Variants in RHBDD1 observed in about 807,000 individuals in gnomAD.
The protein encoded by RHBDD1 is rhomboid domain containing 1.
In RHBDD1, 38 loss-of-function variants were observed where a neutral mutation model predicts 36.3. The ratio of observed to expected loss-of-function variants is 1.05; its 90% CI spans 0.81 to 1.37. RHBDD1 has a LOEUF of 1.37. Among genes scored for constraint, RHBDD1 ranks in the 40% most tolerant of loss-of-function variants. RHBDD1 has a pLI of 0.00. For missense variants in RHBDD1, 393 were observed against 377.6 expected, an observed-to-expected ratio of 1.04 and a Z score of -0.34; for synonymous variants, 151 against 136.5, an observed-to-expected ratio of 1.11 and a Z score of -0.74.
chr2:226,969,394 C>CTTT lies in RHBDD1; in HGVS notation c.857-26019_857-26017dup, dbSNP rs77924848. Among the ~76,000 whole-genome samples the CTTT allele has an allele frequency of 3.6e-3, 411 of 115,542 alleles. 18 individuals are homozygous for CTTT. The highest frequency in any genetic ancestry group is 9.8e-3 in the Middle Eastern group (2 of 204). 75.8% of individuals were successfully genotyped at this position (115,542 alleles called of 152,430 possible). ...TTGCTCTGGGCTAAGACAGCTCAGCCTTTTTTTTTTTTTTTTTTTTAAGGA... is the reference window on the plus strand; with the variant it reads ...TTGCTCTGGGCTAAGACAGCTCAGCCTTTTTTTTTTTTTTTTTTTTTTTAAGGA... On this transcript the variant is annotated intron_variant, in intron 8 of 8. Coordinates refer to ENST00000392062, the MANE Select transcript of RHBDD1 (RefSeq NM_001167608.3).
chr2:226,924,836 A>G (rs1575119433), intron 8 of RHBDD1, among the ~76,000 whole-genome samples: 2 of 152,300 alleles, frequency 1.3e-5, no homozygotes, highest in Admixed American at 1.3e-4. Context: ...CCCTCCCCCA[A>G]GTACACAGAT....
chr2:226,835,928 G>A (rs1461050988), upstream of RHBDD1: 3 of 152,418 alleles, frequency 2.0e-5, no homozygotes, highest in African/African-American at 7.2e-5. Flanking sequence ...AGCAGAGCGC[G>A]GGCGCGCACA....
At chr2:226,903,722 A>G (rs928977775) in intron 5 of RHBDD1, among the ~76,000 whole-genome samples, 1 of 152,200 alleles carries the variant, frequency 6.6e-6, no homozygotes, top group African/African-American at 2.4e-5. Flanking sequence ...GGAAACCCAC[A>G]GCCCTAAATG....
At chr2:226,892,300 A>C (rs982669233) in intron 5 of RHBDD1, among the ~76,000 whole-genome samples, 1 of 152,202 alleles carries the variant, frequency 6.6e-6, no homozygotes, top group African/African-American at 2.4e-5. Context: ...TCTGTTTTTC[A>C]TAGTCAGAAT....
intron 8 of RHBDD1, among the ~76,000 whole-genome samples, chr2:226,973,393 C>T (rs936082802): frequency 6.6e-6 from 1 of 152,186 alleles, no homozygotes; most frequent in African/African-American, 2.4e-5. Flanking sequence ...TGTCTGGGCT[C>T]ATTATCTGGG....
intron 5 of RHBDD1, chr2:226,895,909 A>G (rs1386493343): frequency 2.9e-6 from 2 of 696,336 alleles, no homozygotes; most frequent in Admixed American, 1.3e-4. Context: ...TTAAAAATAA[A>G]TGAAATTACT....
At chr2:226,978,310 C>G (rs1402444077) in intron 8 of RHBDD1, among the ~76,000 whole-genome samples, 1 of 152,054 alleles carries the variant, frequency 6.6e-6, no homozygotes, top group Non-Finnish European at 1.5e-5. Flanking sequence ...GCCTGCTAGC[C>G]CCCCATTAAA....
chr2:226,908,017 T>G (rs1184996656), intron 6 of RHBDD1, among the ~76,000 whole-genome samples: 1 of 152,204 alleles, frequency 6.6e-6, no homozygotes, highest in Non-Finnish European at 1.5e-5. Flanking sequence ...AGCAAGTGCT[T>G]TGTTTAATTT....
chr2:226,948,758 C>T (rs1175228344), intron 8 of RHBDD1, among the ~76,000 whole-genome samples: 2 of 152,080 alleles, frequency 1.3e-5, no homozygotes, highest in Admixed American at 1.3e-4. Context: ...TCTCTCACCA[C>T]TCCTGTTCAA....
intron 5 of RHBDD1, among the ~76,000 whole-genome samples, chr2:226,898,724 G>A (rs1015846127): frequency 2.6e-5 from 4 of 152,170 alleles, no homozygotes; most frequent in Admixed American, 6.5e-5. Context: ...TGAAAAATTT[G>A]TATTACATCT....
At chr2:226,889,620 C>T (rs760391465) in intron 5 of RHBDD1, among the ~76,000 whole-genome samples, 46 of 152,166 alleles carry the variant, frequency 3.0e-4, no homozygotes, top group Non-Finnish European at 5.6e-4. Flanking sequence ...TGGGTCAAAA[C>T]ATATTGTTAG....
At chr2:226,814,107 G>A in the RHBDD1 span, among the ~76,000 whole-genome samples, 3 of 152,170 alleles carry the variant, frequency 2.0e-5, no homozygotes, top group African/African-American at 7.2e-5. Context: ...AGCATTCCAT[G>A]AGTGGGACTG....
rs746807154 is a variant in RHBDD1, at chr2:226,995,490, A to AGACAG, written c.917_921dup (p.Arg308AspfsTer41). On this transcript the variant is annotated frameshift_variant, in exon 9 of 9. Coordinates refer to ENST00000392062, the MANE Select transcript of RHBDD1 (RefSeq NM_001167608.3). LOFTEE classifies it high-confidence loss of function. The stretch of plus-strand genomic sequence containing the variant: ...TCATCTCTCACCAGAAGAAATGAGG[A>AGACAG]GACAGCGGCTTCACAGATTCGATAG... 5 of 1,613,116 alleles carry AGACAG rather than the reference A, an allele frequency of 3.1e-6. No homozygotes were observed. In the East Asian group the frequency reaches 1.1e-4, roughly 36 times the overall value.
In RHBDD1 at chr2:226,885,969, C is replaced by T. The variant is rs369985569; in HGVS notation, c.566+18651C>T. ...GGACAAAGGGATGGTTTGTGTCCCA[C>T]GTGGGATGGAGCAAGACAGCGTGAG... On this transcript the variant is annotated intron_variant, in intron 5 of 8. Coordinates refer to ENST00000392062, the MANE Select transcript of RHBDD1 (RefSeq NM_001167608.3). Among the ~76,000 whole-genome samples the T allele has an allele frequency of 1.6e-4, 24 of 152,134 alleles. No individual in the cohort carries two copies. The South Asian group carries it at 4.2e-3, about 26-fold the overall frequency.
At chr2:226,879,860 G>T (rs1945557677) in intron 5 of RHBDD1, among the ~76,000 whole-genome samples, 1 of 152,186 alleles carries the variant, frequency 6.6e-6, no homozygotes, top group African/African-American at 2.4e-5. Flanking sequence ...AGGAATTTTG[G>T]TCTTCTCAGA....
chr2:226,902,501 G>A (rs1226172459), intron 5 of RHBDD1, among the ~76,000 whole-genome samples: 1 of 152,148 alleles, frequency 6.6e-6, no homozygotes, highest in African/African-American at 2.4e-5. Flanking sequence ...AGAGGGTGAA[G>A]GGAAGTGATT....
chr2:226,970,321 C>A (rs1302328055), intron 8 of RHBDD1, among the ~76,000 whole-genome samples: 3 of 151,866 alleles, frequency 2.0e-5, no homozygotes, highest in Non-Finnish European at 4.4e-5. Flanking sequence ...ATTTTTAGGA[C>A]AAACAGAAGA....
At chr2:226,944,506 C>T (rs527925660) in intron 8 of RHBDD1, among the ~76,000 whole-genome samples, 2 of 152,186 alleles carry the variant, frequency 1.3e-5, no homozygotes, top group South Asian at 2.1e-4. Context: ...TTAAAAATGC[C>T]GAGACTTGTG....
intron 8 of RHBDD1, among the ~76,000 whole-genome samples, chr2:226,940,006 CA>C (rs147227615): frequency 0.43 from 65,663 of 151,854 alleles, 14,268 homozygotes; most frequent in South Asian, 0.52. Flanking sequence ...CTGACAAAAG[CA>C]ATAGGGAAAG....
Sources: gnomAD v4.1 joint callset for allele counts (sites outside exome capture counted in the v4.1 genomes callset) on GRCh38, gnomAD v4.1.1 for gene constraint, MANE v1.5 for transcripts, NCBI Gene and HGNC (gene_info 2026-07-23, HGNC 2026-07-21) for gene names.